Variants in SLCO5A1 observed in about 807,000 individuals in gnomAD.
SLCO5A1 encodes solute carrier organic anion transporter family member 5A1, also known as organic anion transporter polypeptide-related protein 4.
SLCO5A1 carries 39 observed loss-of-function variants against 65.1 expected under a neutral mutation model. The ratio of observed to expected loss-of-function variants is 0.60; its 90% CI spans 0.46 to 0.78. The LOEUF (loss-of-function observed/expected upper bound fraction) is 0.78, where lower values mean the gene tolerates loss of function less well. Among genes scored for constraint, SLCO5A1 ranks in the 30% least tolerant of loss-of-function variants. The pLI, the probability that SLCO5A1 is intolerant of heterozygous loss-of-function variation, is 0.00. For missense variants in SLCO5A1, 1,029 were observed against 1,069.4 expected (o/e 0.96, Z 0.53); for synonymous variants, 438 against 415.7 (o/e 1.05, Z -0.65).
chr8:69,825,776 C>T (rs1035296604), intron 2 of SLCO5A1, among the ~76,000 whole-genome samples: 2 of 152,060 alleles, frequency 1.3e-5, no homozygotes, highest in African/African-American at 4.8e-5. Flanking sequence ...TTGGAAAAAA[C>T]TACTTTAAAG....
chr8:69,667,858 A>C lies in SLCO5A1; in HGVS notation c.*5011T>G, dbSNP rs928361280. The C allele has an allele frequency of 3.3e-5, 5 of 152,162 alleles. No individual in the cohort carries two copies. The highest frequency in any genetic ancestry group is 6.5e-5 in the Admixed American group (1 of 15,270). The allele number at this position is 152,162 out of a possible 1,614,324, so 9.4% of individuals were successfully genotyped here. ...TCCATAGAAAAGTATCCCCCCTTTC[A>C]CGCTTCATTTTTGCAGCATAGATGG... On this transcript the variant is annotated 3_prime_UTR_variant, in exon 10 of 10. Coordinates refer to ENST00000260126, the MANE Select transcript of SLCO5A1 (RefSeq NM_030958.3).
intron 6 of SLCO5A1, among the ~76,000 whole-genome samples, chr8:69,696,018 T>C (rs1586694362): frequency 6.6e-6 from 1 of 152,124 alleles, no homozygotes; most frequent in Non-Finnish European, 1.5e-5. Context: ...TCAGCAAATA[T>C]GAGGTCCTGC....
chr8:69,743,199 T>G (rs1039921579), intron 4 of SLCO5A1, among the ~76,000 whole-genome samples: 3 of 152,212 alleles, frequency 2.0e-5, no homozygotes, highest in African/African-American at 7.2e-5. Context: ...CCAAACCTAC[T>G]GATCACAGCA....
intron 5 of SLCO5A1, among the ~76,000 whole-genome samples, chr8:69,711,577 G>C (rs1365155170): frequency 6.6e-6 from 1 of 152,232 alleles, no homozygotes; most frequent in Non-Finnish European, 1.5e-5. Flanking sequence ...AGCCGTAGAG[G>C]AGAGAACCCA....
chr8:69,832,795 G>A lies in SLCO5A1; in HGVS notation c.-122C>T. The A allele has an allele frequency of 4.2e-6, 5 of 1,184,794 alleles. No individual in the cohort carries two copies. Among genetic ancestry groups the A allele is most frequent in the Non-Finnish European group, 5.8e-6 (5 of 866,940 alleles). The allele number at this position is 1,184,794 out of a possible 1,614,324, so 73.4% of individuals were successfully genotyped here. On this transcript the variant is annotated 5_prime_UTR_variant, in exon 2 of 10. Coordinates refer to ENST00000260126, the MANE Select transcript of SLCO5A1 (RefSeq NM_030958.3). The surrounding 1 kb of genome is among the most constrained non-coding windows in gnomAD (Gnocchi z 4.5). ...TTGCCCACCTGGGACTGGGGCTGGG[G>A]GCGCAGGGCCGCGCAGCAGGGCATC...
chr8:69,774,491 C>G (rs1397455837), intron 2 of SLCO5A1, among the ~76,000 whole-genome samples: 1 of 152,190 alleles, frequency 6.6e-6, no homozygotes, highest in Non-Finnish European at 1.5e-5. Flanking sequence ...TAAATTGTCA[C>G]CTTCTGATTC....
chr8:69,811,766 G>T (rs536706154), intron 2 of SLCO5A1, among the ~76,000 whole-genome samples: 68 of 152,314 alleles, frequency 4.5e-4, no homozygotes, highest in African/African-American at 1.4e-3. Context: ...TTAACCATGT[G>T]CCAGGCCAGG....
chr8:69,687,463 T>A (rs979779663), intron 6 of SLCO5A1, among the ~76,000 whole-genome samples: 1 of 152,232 alleles, frequency 6.6e-6, no homozygotes, highest in African/African-American at 2.4e-5. Flanking sequence ...CAGGTGTAAC[T>A]TGAAACTTAC....
chr8:69,679,537 C>T lies in SLCO5A1; in HGVS notation c.1865G>A (p.Arg622His), dbSNP rs192915610. The change falls in exon 8 of 10, where the codon CGT becomes CAT. Residue 622 changes from arginine (R) to histidine (H), a missense_variant. Coordinates refer to ENST00000260126, the MANE Select transcript of SLCO5A1 (RefSeq NM_030958.3). ...GAGATAAGTCTTGACAATAACCACA[C>T]GGAGCTGACTTCGCTGTCCCACGGT... ...PPTVGQRSQL[R>H]VVIVKTYLNE... 9.3e-6 allele frequency: 15 copies of T among 1,614,192 alleles called. No individual in the cohort carries two copies. The highest frequency in any genetic ancestry group is 5.3e-5 in the African/African-American group (4 of 75,046).
chr8:69,784,600 C>T lies in SLCO5A1; in HGVS notation c.908-22725G>A, dbSNP rs151179568. 1.9e-3 allele frequency among the ~76,000 whole-genome samples: 290 copies of T among 151,934 alleles called. 1 individual carries two copies. The highest frequency in any genetic ancestry group is 6.5e-3 in the African/African-American group (269 of 41,408). On this transcript the variant is annotated intron_variant, in intron 2 of 9. Coordinates refer to ENST00000260126, the MANE Select transcript of SLCO5A1 (RefSeq NM_030958.3). The stretch of plus-strand genomic sequence containing the variant: ...GTCAGGAGTTTGAGACCAGCCTAGC[C>T]AACATGGTGAAACCCCATCTCTACT...
chr8:69,695,227 G>T (rs1391230113), intron 6 of SLCO5A1, among the ~76,000 whole-genome samples: 2 of 152,164 alleles, frequency 1.3e-5, no homozygotes. Context: ...AGGCATCGTG[G>T]CTCACATCTG....
At chr8:69,704,752 A>G in intron 6 of SLCO5A1, 1 of 387,476 alleles carries the variant, frequency 2.6e-6, no homozygotes, top group Non-Finnish European at 4.7e-6. Flanking sequence ...TAAAAACCAA[A>G]CAATTTTCAT....
chr8:69,770,485 A>C (rs1292907076), intron 2 of SLCO5A1, among the ~76,000 whole-genome samples: 2 of 151,988 alleles, frequency 1.3e-5, no homozygotes, highest in African/African-American at 4.8e-5. Context: ...GCAGACCCCA[A>C]CGTAAAGATT....
Position 69,668,577 on chromosome 8 carries a change from G to A in SLCO5A1, c.*4292C>T, listed in dbSNP as rs1207783940. ...GCTTGGGCTTGCCTCCTGCTCCTGG[G>A]TGCACTAGGGAATTCCCATCAATGC... is the stretch of plus-strand genomic sequence containing the variant. On this transcript the variant is annotated 3_prime_UTR_variant, in exon 10 of 10. Transcript: ENST00000260126. The A allele has an allele frequency of 6.6e-6, 1 of 152,168 alleles. No homozygotes were observed. Among genetic ancestry groups the A allele is most frequent in the Non-Finnish European group, 1.5e-5 (1 of 68,042 alleles). 9.4% of individuals were successfully genotyped at this position (152,168 alleles called of 1,614,324 possible).
chr8:69,760,659 A>G (rs1261363055), intron 3 of SLCO5A1, among the ~76,000 whole-genome samples: 3 of 152,224 alleles, frequency 2.0e-5, no homozygotes, highest in Non-Finnish European at 4.4e-5. Flanking sequence ...CAATGTATAT[A>G]TATTGCTAAT....
chr8:69,712,306 C>T (rs765629951), intron 5 of SLCO5A1, among the ~76,000 whole-genome samples: 7 of 152,146 alleles, frequency 4.6e-5, no homozygotes, highest in Non-Finnish European at 8.8e-5. Flanking sequence ...CCACAACATT[C>T]GATTTTGACG....
At chr8:69,796,890 C>T (rs936713558) in intron 2 of SLCO5A1, among the ~76,000 whole-genome samples, 4 of 152,222 alleles carry the variant, frequency 2.6e-5, no homozygotes, top group Admixed American at 2.6e-4. Flanking sequence ...CAGACCTTTG[C>T]TAATGCATAG....
intron 5 of SLCO5A1, among the ~76,000 whole-genome samples, chr8:69,718,614 T>A (rs1186198481): frequency 6.6e-6 from 1 of 152,178 alleles, no homozygotes; most frequent in African/African-American, 2.4e-5. Context: ...CATTTTTGGG[T>A]TATTGACAAA....
chr8:69,755,304 T>G lies in SLCO5A1; in HGVS notation c.1258+120A>C, dbSNP rs918540169. On this transcript the variant is annotated intron_variant, in intron 4 of 9. Transcript: ENST00000260126. ...TTTCTAAGAGTTTTGCAACACTTAC[T>G]CTCAATCTTAGTACTTATCTGGCCA... 6 of 661,666 alleles carry G rather than the reference T, an allele frequency of 9.1e-6. No individual in the cohort carries two copies. In the African/African-American group the frequency reaches 1.1e-4, roughly 12 times the overall value. 41.0% of individuals were successfully genotyped at this position (661,666 alleles called of 1,614,324 possible). A position where few individuals can be genotyped will look rare whatever the true frequency, so the allele number is the denominator to read the frequency against.
Sources: allele counts gnomAD v4.1 joint callset (sites outside exome capture counted in the v4.1 genomes callset), GRCh38; gene constraint gnomAD v4.1.1; non-coding constraint Gnocchi (gnomAD v3.1); transcripts MANE v1.5; gene names NCBI Gene and HGNC (gene_info 2026-07-23, HGNC 2026-07-21).